The following ROBO2 variants were observed in gnomAD, a reference collection of about 807,000 sequenced individuals.
ROBO2 encodes the protein roundabout homolog 2.
Under a neutral mutation model 160.8 loss-of-function variants are expected in ROBO2, and 53 were observed. That is an observed-to-expected ratio of 0.33 (90% CI 0.26 to 0.41). The LOEUF is 0.41. ROBO2 is among the 10% of genes least tolerant of loss of function. The pLI is 1.00. For synonymous variants in ROBO2, 664 were observed against 611.7 expected (o/e 1.09, Z -1.26); for missense variants, 1,577 against 1,722.4 (o/e 0.92, Z 1.49).
At chr3:77,474,615 T>C (rs534225650) in intron 2 of ROBO2, among the ~76,000 whole-genome samples, 8 of 151,688 alleles carry the variant, frequency 5.3e-5, no homozygotes, top group East Asian at 1.9e-4. Flanking sequence ...CACTTGAAAA[T>C]ATAGTTTTCA....
chr3:76,741,959 G>A (rs1447432077), intron 2 of ROBO2, among the ~76,000 whole-genome samples: 1 of 151,964 alleles, frequency 6.6e-6, no homozygotes, highest in African/African-American at 2.4e-5. Flanking sequence ...AGTTATCTGT[G>A]AGTGGTGGAT....
chr3:75,926,478 G>A (rs188967763), intron 1 of ROBO2, among the ~76,000 whole-genome samples: 54 of 152,036 alleles, frequency 3.6e-4, no homozygotes, highest in African/African-American at 1.2e-3. Context: ...ATTATTTTTC[G>A]GTAGTTTAAT....
intron 2 of ROBO2, among the ~76,000 whole-genome samples, chr3:76,825,510 C>T (rs2066494950): frequency 6.8e-6 from 1 of 148,096 alleles, no homozygotes; most frequent in Non-Finnish European, 1.5e-5. Flanking sequence ...TCAGCAAATT[C>T]CTTATCCTTA....
At chr3:77,204,341 T>G (rs907087700) in intron 2 of ROBO2, among the ~76,000 whole-genome samples, 1 of 152,216 alleles carries the variant, frequency 6.6e-6, no homozygotes, top group Admixed American at 6.5e-5. Context: ...TTTTATTTTG[T>G]TCACATTATC....
rs1252123285 is a variant in ROBO2 at position 77,571,135 on chromosome 3, A to AT, written c.1971+2706dup. Among the ~76,000 whole-genome samples, 3 of 152,000 alleles carry AT rather than the reference A, an allele frequency of 2.0e-5. No individual in the cohort carries two copies. In the South Asian group the frequency reaches 6.2e-4, roughly 31 times the overall value. ...ATTACATACTCTTTGCCCATTAAGC[A>AT]TTTTTCCACAGAGATTGAAAAGAGT... On this transcript the variant is annotated intron_variant, in intron 13 of 25. Coordinates refer to ENST00000461745, the Ensembl canonical transcript of ROBO2.
At chr3:76,195,344 G>A (rs2107210672) in intron 2 of ROBO2, among the ~76,000 whole-genome samples, 1 of 152,242 alleles carries the variant, frequency 6.6e-6, no homozygotes, top group African/African-American at 2.4e-5. Flanking sequence ...TGTCCATGAG[G>A]AACTCACAGA....
chr3:77,512,261 T>C (rs879856713), intron 5 of ROBO2, among the ~76,000 whole-genome samples: 5 of 151,960 alleles, frequency 3.3e-5, no homozygotes, highest in Non-Finnish European at 7.4e-5. Context: ...TGATTCTTAA[T>C]AGGAGTTTCA....
chr3:77,538,100 C>T (rs957847435), intron 6 of ROBO2, among the ~76,000 whole-genome samples: 3 of 118,416 alleles, frequency 2.5e-5, no homozygotes, highest in African/African-American at 1.0e-4. Context: ...GATTTATTGC[C>T]ATGGACTCAA....
intron 2 of ROBO2, among the ~76,000 whole-genome samples, chr3:76,889,421 G>A (rs1439645659): frequency 6.6e-6 from 1 of 152,180 alleles, no homozygotes; most frequent in Non-Finnish European, 1.5e-5. Context: ...GATTAGGGAT[G>A]ATTCCTATTT....
chr3:77,427,060 A>T (rs2078284097), intron 2 of ROBO2, among the ~76,000 whole-genome samples: 1 of 152,162 alleles, frequency 6.6e-6, no homozygotes, highest in South Asian at 2.1e-4. Flanking sequence ...ACATTTCTAC[A>T]TGGAAGGTGT....
intron 2 of ROBO2, among the ~76,000 whole-genome samples, chr3:77,209,318 A>G (rs1166457341): frequency 6.6e-6 from 1 of 152,196 alleles, no homozygotes; most frequent in Non-Finnish European, 1.5e-5. Context: ...CAAAATATTT[A>G]TATTACAAAA....
chr3:76,928,464 T>G (rs1040313774), intron 2 of ROBO2, among the ~76,000 whole-genome samples: 1 of 152,072 alleles, frequency 6.6e-6, no homozygotes, highest in African/African-American at 2.4e-5. Flanking sequence ...TTTTTTTTTT[T>G]TTTTTGCAGA....
intron 2 of ROBO2, among the ~76,000 whole-genome samples, chr3:76,715,450 G>A (rs920920799): frequency 2.0e-5 from 3 of 152,134 alleles, no homozygotes; most frequent in African/African-American, 7.2e-5. Flanking sequence ...TTTTTCAGGT[G>A]CAGTCTAGCT....
At chr3:76,753,667 A>C (rs527363434) in intron 2 of ROBO2, among the ~76,000 whole-genome samples, 1 of 152,040 alleles carries the variant, frequency 6.6e-6, no homozygotes, top group South Asian at 2.1e-4. Context: ...ACTGAAAAAG[A>C]GTAAAAAAAG....
intron 2 of ROBO2, among the ~76,000 whole-genome samples, chr3:77,441,531 G>A (rs1226431838): frequency 1.3e-5 from 2 of 151,884 alleles, no homozygotes; most frequent in South Asian, 2.1e-4. Context: ...TTGAAAATAC[G>A]AGATATGAAG....
At chr3:76,985,891 G>T (rs913747503) in intron 2 of ROBO2, among the ~76,000 whole-genome samples, 3 of 152,128 alleles carry the variant, frequency 2.0e-5, no homozygotes, top group Non-Finnish European at 4.4e-5. Flanking sequence ...ACTCCATGTG[G>T]TCATTAATTT....
intron 2 of ROBO2, among the ~76,000 whole-genome samples, chr3:76,516,760 C>A (rs1182656967): frequency 6.6e-6 from 1 of 152,072 alleles, no homozygotes; most frequent in Non-Finnish European, 1.5e-5. Flanking sequence ...ATTTGACAAG[C>A]ATTCCGACCT....
At chr3:76,235,756 G>C (rs2107492417) in intron 2 of ROBO2, among the ~76,000 whole-genome samples, 1 of 152,234 alleles carries the variant, frequency 6.6e-6, no homozygotes, top group African/African-American at 2.4e-5. Flanking sequence ...GTGGATTGTT[G>C]GTATTTGTAA....
intron 2 of ROBO2, among the ~76,000 whole-genome samples, chr3:76,073,598 C>A (rs2068545582): frequency 6.6e-6 from 1 of 151,866 alleles, no homozygotes; most frequent in Admixed American, 6.6e-5. Context: ...GCAGAGTATT[C>A]TTCTTAAAAT....
Sources: allele counts gnomAD v4.1 joint callset (sites outside exome capture counted in the v4.1 genomes callset), GRCh38; gene constraint gnomAD v4.1.1; transcripts MANE v1.5; gene names NCBI Gene and HGNC (gene_info 2026-07-23, HGNC 2026-07-21).